The following PLXNA4 variants were observed in gnomAD, a reference collection of about 807,000 sequenced individuals.
PLXNA4 encodes the protein plexin-A4.
In PLXNA4, 44 loss-of-function variants were observed where a neutral mutation model predicts 191.8. The observed-to-expected ratio is 0.23, with a 90% CI of 0.18 to 0.29. PLXNA4 has a LOEUF of 0.29. Among genes scored for constraint, PLXNA4 ranks in the 10% least tolerant of loss-of-function variants. PLXNA4 has a pLI of 1.00. For missense variants in PLXNA4, 1,800 were observed against 2,488.8 expected, an observed-to-expected ratio of 0.72 and a Z score of 5.89; for synonymous variants, 1,082 against 1,009.5, an observed-to-expected ratio of 1.07 and a Z score of -1.36.
Position 132,495,544 on chromosome 7 carries a change from C to T in PLXNA4, c.1189-6070G>A, listed in dbSNP as rs115510776. ...TCTGGGGCAGCAGCAGCCATCTGAG[C>T]CCCAGGATGGAAGACAAAATCAGAT... On this transcript the variant is annotated intron_variant, in intron 2 of 31. Transcript: ENST00000321063. 9.0e-3 allele frequency among the ~76,000 whole-genome samples: 1,377 copies of T among 152,274 alleles called. 26 individuals carry two copies. Among genetic ancestry groups the T allele is most frequent in the African/African-American group, 0.032 (1,315 of 41,554 alleles).
chr7:132,406,061 A>T lies in PLXNA4; in HGVS notation c.1371+83231T>A, dbSNP rs111752357. Reference sequence around the variant, plus strand: ...CTCAATGTGGCCTCAGTGCAGGCAGAAATCCCATTTTGCAAAGGGACAGAC... The same window carrying T: ...CTCAATGTGGCCTCAGTGCAGGCAGTAATCCCATTTTGCAAAGGGACAGAC... On this transcript the variant is annotated intron_variant, in intron 3 of 31. Coordinates refer to ENST00000321063, the MANE Select transcript of PLXNA4 (RefSeq NM_020911.2). Among the ~76,000 whole-genome samples, 1,323 of 152,332 alleles carry T rather than the reference A, an allele frequency of 8.7e-3. 17 individuals carry two copies. Among genetic ancestry groups the T allele is most frequent in the African/African-American group, 0.03 (1,242 of 41,574 alleles).
At chr7:132,613,834 T>C (rs1585405759) in intron 2 of PLXNA4, among the ~76,000 whole-genome samples, 2 of 152,202 alleles carry the variant, frequency 1.3e-5, no homozygotes, top group Middle Eastern at 3.2e-3. Context: ...TAGGAGTGTA[T>C]TTTTAAATCC....
chr7:132,484,744 T>C, intron 3 of PLXNA4: 1 of 1,589,650 alleles, frequency 6.3e-7, no homozygotes, highest in Non-Finnish European at 8.6e-7. Context: ...GACACTTCCA[T>C]CCATCTGCAG....
At chr7:132,288,349 C>T (rs756856888) in intron 4 of PLXNA4, among the ~76,000 whole-genome samples, 2 of 152,162 alleles carry the variant, frequency 1.3e-5, no homozygotes, top group African/African-American at 4.8e-5. Context: ...CCAGTTCTGC[C>T]GTGGTAAAAT....
chr7:132,563,431 TC>T (rs1801464193), intron 1 of PLXNA4, among the ~76,000 whole-genome samples: 1 of 64,054 alleles, frequency 1.6e-5, no homozygotes, highest in Non-Finnish European at 2.8e-5. Flanking sequence ...TCCTTCTCCT[TC>T]CTCCTCCTCT....
chr7:132,379,916 C>G (rs1237947637), intron 3 of PLXNA4, among the ~76,000 whole-genome samples: 1 of 152,146 alleles, frequency 6.6e-6, no homozygotes, highest in African/African-American at 2.4e-5. Flanking sequence ...TATGGTCTGG[C>G]CTTTACTAGT....
chr7:132,246,789 CATCATCATCA>C (rs1799070189), intron 4 of PLXNA4, among the ~76,000 whole-genome samples: 1 of 151,362 alleles, frequency 6.6e-6, no homozygotes, highest in Non-Finnish European at 1.5e-5. Flanking sequence ...TCATCATCAT[CATCATCATCA>C]TCATCATCCT....
chr7:132,322,044 G>T (rs1265382396), intron 3 of PLXNA4, among the ~76,000 whole-genome samples: 1 of 152,088 alleles, frequency 6.6e-6, no homozygotes, highest in Non-Finnish European at 1.5e-5. Context: ...AAATAAACAT[G>T]GTAAGTGAAA....
chr7:132,640,932 C>T (rs903977753), intron 2 of PLXNA4, among the ~76,000 whole-genome samples: 1 of 152,238 alleles, frequency 6.6e-6, no homozygotes, highest in Admixed American at 6.5e-5. Flanking sequence ...ATTAATTACA[C>T]TGTCCCTAAA....
At chr7:132,543,808 G>A (rs182731518) in intron 1 of PLXNA4, among the ~76,000 whole-genome samples, 11 of 152,338 alleles carry the variant, frequency 7.2e-5, no homozygotes, top group African/African-American at 2.6e-4. Flanking sequence ...GGACACTTAC[G>A]TGCCAAACTG....
chr7:132,308,431 T>C (rs1801607633), intron 3 of PLXNA4, among the ~76,000 whole-genome samples: 1 of 152,156 alleles, frequency 6.6e-6, no homozygotes, highest in Admixed American at 6.5e-5. Flanking sequence ...CAAGTTCCCA[T>C]GAATAGGTGG....
chr7:132,547,404 C>T (rs542931507), intron 1 of PLXNA4, among the ~76,000 whole-genome samples: 19 of 152,322 alleles, frequency 1.2e-4, no homozygotes, highest in African/African-American at 4.3e-4. Context: ...CCCCCCCACA[C>T]CTACATCTCT....
chr7:132,235,823 T>G (rs1295048723), intron 5 of PLXNA4, among the ~76,000 whole-genome samples: 2 of 152,154 alleles, frequency 1.3e-5, no homozygotes, highest in African/African-American at 4.8e-5. Context: ...AGAAAATGTT[T>G]CTGGCCCAGG....
chr7:132,598,521 G>T (rs1344418181), intron 2 of PLXNA4, among the ~76,000 whole-genome samples: 1 of 150,414 alleles, frequency 6.6e-6, no homozygotes, highest in South Asian at 2.1e-4. Context: ...ATTTTAATTT[G>T]CATTTTAAAG....
At chr7:132,645,741 A>G (rs1298171458) in intron 2 of PLXNA4, among the ~76,000 whole-genome samples, 2 of 152,192 alleles carry the variant, frequency 1.3e-5, no homozygotes, top group African/African-American at 4.8e-5. Flanking sequence ...TCTCACAGAC[A>G]CAAGTTGGGA....
chr7:132,523,272 A>T (rs563653186), intron 1 of PLXNA4, among the ~76,000 whole-genome samples: 31 of 152,282 alleles, frequency 2.0e-4, no homozygotes, highest in African/African-American at 6.7e-4. Flanking sequence ...GCTACAAGAT[A>T]ACTGTTGCAA....
chr7:132,146,079 C>CAAAAAAAA (rs67412588), intron 28 of PLXNA4, among the ~76,000 whole-genome samples: 13 of 48,910 alleles, frequency 2.7e-4, no homozygotes, highest in Admixed American at 3.0e-4. Flanking sequence ...GACTCTGTCT[C>CAAAAAAAA]AAAAAAAAAA....
upstream of PLXNA4, among the ~76,000 whole-genome samples, chr7:132,579,168 C>T (rs1270663661): frequency 1.3e-5 from 2 of 152,298 alleles, no homozygotes; most frequent in East Asian, 1.9e-4. Flanking sequence ...GGGTCCATCA[C>T]GGCCCATTTC....
chr7:132,373,555 T>G (rs1306154533), intron 3 of PLXNA4, among the ~76,000 whole-genome samples: 1 of 152,210 alleles, frequency 6.6e-6, no homozygotes, highest in African/African-American at 2.4e-5. Flanking sequence ...TATTTTCCAC[T>G]GGAAATCCAG....
Sources: gnomAD v4.1 joint callset for allele counts (sites outside exome capture counted in the v4.1 genomes callset) on GRCh38, gnomAD v4.1.1 for gene constraint, MANE v1.5 for transcripts, NCBI Gene and HGNC (gene_info 2026-07-23, HGNC 2026-07-21) for gene names.